Variants in NDUFS4 observed in about 807,000 individuals in gnomAD.
The protein encoded by NDUFS4 is NADH dehydrogenase [ubiquinone] iron-sulfur protein 4, mitochondrial.
In NDUFS4, 28 loss-of-function variants were observed where a neutral mutation model predicts 24.3. The observed-to-expected ratio is 1.15, with a 90% CI of 0.85 to 1.58. The LOEUF (loss-of-function observed/expected upper bound fraction) is 1.58. NDUFS4 is among the 40% of genes most tolerant of loss of function. The probability of loss-of-function intolerance (pLI) is 0.00; values close to 1 mark genes in which losing one functional copy is unlikely to be tolerated. For synonymous variants in NDUFS4, 93 were observed against 69.7 expected, an observed-to-expected ratio of 1.34 and a Z score of -1.67; for missense variants, 223 against 207.9, an observed-to-expected ratio of 1.07 and a Z score of -0.45.
At chr5:53,653,284 C>G (rs1161215202) in intron 3 of NDUFS4, among the ~76,000 whole-genome samples, 2 of 152,070 alleles carry the variant, frequency 1.3e-5, no homozygotes, top group African/African-American at 2.4e-5. Flanking sequence ...GTAGATGTTG[C>G]GAATTCTCTC....
intron 1 of NDUFS4, among the ~76,000 whole-genome samples, chr5:53,580,579 G>A (rs939330585): frequency 9.9e-5 from 15 of 152,172 alleles, no homozygotes; most frequent in African/African-American, 3.6e-4. Flanking sequence ...TTGCACAGGC[G>A]TCTCAAATCC....
chr5:53,570,421 T>TTGAA (rs1360010665), intron 1 of NDUFS4, among the ~76,000 whole-genome samples: 1 of 152,194 alleles, frequency 6.6e-6, no homozygotes, highest in Admixed American at 6.5e-5. Context: ...CATTTACCTA[T>TTGAA]TGAAGGACAT....
intron 3 of NDUFS4, among the ~76,000 whole-genome samples, chr5:53,658,113 C>T (rs1247096217): frequency 2.6e-5 from 4 of 151,670 alleles, no homozygotes; most frequent in African/African-American, 7.3e-5. Context: ...CAGGAGTGAG[C>T]GATCTTCAAA....
intron 2 of NDUFS4, among the ~76,000 whole-genome samples, chr5:53,631,320 G>T (rs929389449): frequency 6.6e-6 from 1 of 152,200 alleles, no homozygotes; most frequent in African/African-American, 2.4e-5. Flanking sequence ...GTGTCTGTCG[G>T]CCCCTACTGG....
intron 1 of NDUFS4, among the ~76,000 whole-genome samples, chr5:53,572,261 T>C (rs978143169): frequency 2.6e-5 from 4 of 152,184 alleles, no homozygotes; most frequent in Admixed American, 1.3e-4. Flanking sequence ...CCTTTCTTTC[T>C]GATATAGGGA....
chr5:53,632,981 A>G (rs1228195290), intron 2 of NDUFS4, among the ~76,000 whole-genome samples: 1 of 152,208 alleles, frequency 6.6e-6, no homozygotes, highest in Non-Finnish European at 1.5e-5. Flanking sequence ...AACACCCTTG[A>G]CATACTACAT....
intron 1 of NDUFS4, among the ~76,000 whole-genome samples, chr5:53,563,313 A>G (rs192357496): frequency 5.9e-5 from 9 of 151,986 alleles, no homozygotes; most frequent in Non-Finnish European, 8.8e-5. Flanking sequence ...ATAGTATATC[A>G]TCAGTGAAAA....
chr5:53,588,722 G>T (rs936001337), intron 1 of NDUFS4, among the ~76,000 whole-genome samples: 2 of 152,076 alleles, frequency 1.3e-5, no homozygotes, highest in Admixed American at 6.5e-5. Flanking sequence ...CTTTATTTTT[G>T]AATTGAAGTA....
At chr5:53,582,072 G>A (rs1361550028) in intron 1 of NDUFS4, among the ~76,000 whole-genome samples, 9 of 152,072 alleles carry the variant, frequency 5.9e-5, no homozygotes, top group East Asian at 1.9e-4. Flanking sequence ...TTAGCCGGGC[G>A]TGGTGTTGGG....
chr5:53,650,684 C>T (rs1450917110), intron 3 of NDUFS4, among the ~76,000 whole-genome samples: 1 of 152,184 alleles, frequency 6.6e-6, no homozygotes, highest in Non-Finnish European at 1.5e-5. Flanking sequence ...TTATGTCCTA[C>T]TTCAGGGGAG....
intron 2 of NDUFS4, among the ~76,000 whole-genome samples, chr5:53,614,233 A>G (rs1750780367): frequency 6.6e-6 from 1 of 151,928 alleles, no homozygotes; most frequent in African/African-American, 2.4e-5. Flanking sequence ...CTTTAGATAA[A>G]TAAAATTCTG....
intron 1 of NDUFS4, among the ~76,000 whole-genome samples, chr5:53,576,349 G>T (rs1749387952): frequency 6.6e-6 from 1 of 152,202 alleles, no homozygotes; most frequent in African/African-American, 2.4e-5. Context: ...ACCAAGCAAT[G>T]GAAAGGGTAA....
intron 1 of NDUFS4, among the ~76,000 whole-genome samples, chr5:53,575,431 A>AT (rs903283400): frequency 6.6e-6 from 1 of 150,512 alleles, no homozygotes; most frequent in Non-Finnish European, 1.5e-5. Context: ...AGGATGGATT[A>AT]TTTTTAAAGC....
At chr5:53,659,893 G>A (rs1015260391) in intron 4 of NDUFS4, among the ~76,000 whole-genome samples, 1 of 152,030 alleles carries the variant, frequency 6.6e-6, no homozygotes, top group Non-Finnish European at 1.5e-5. Flanking sequence ...CCTCATACGT[G>A]CAATGAGAAT....
chr5:53,675,339 T>G (rs1740428983), intron 4 of NDUFS4, among the ~76,000 whole-genome samples: 1 of 151,984 alleles, frequency 6.6e-6, no homozygotes, highest in East Asian at 1.9e-4. Flanking sequence ...ATTTTTTGTA[T>G]TTTTAGTAGA....
At chr5:53,663,049 A>G (rs1377128724) in intron 4 of NDUFS4, among the ~76,000 whole-genome samples, 1 of 151,998 alleles carries the variant, frequency 6.6e-6, no homozygotes, top group African/African-American at 2.4e-5. Flanking sequence ...TTCAAAGAAC[A>G]TCTTTATTTC....
At chr5:53,571,736 G>A (rs1042445120) in intron 1 of NDUFS4, among the ~76,000 whole-genome samples, 1 of 152,080 alleles carries the variant, frequency 6.6e-6, no homozygotes, top group East Asian at 1.9e-4. Context: ...TGAGTATAAG[G>A]TGGTACCTCA....
In NDUFS4 at chr5:53,658,784, C is replaced by CA. The variant is rs35754713; in HGVS notation, c.424+180dup. 60,434 of 137,920 alleles carry CA rather than the reference C, an allele frequency of 0.44. 13,933 individuals carry two copies. Among genetic ancestry groups the CA allele is most frequent in the Admixed American group, 0.52 (5,603 of 10,792 alleles). 8.5% of individuals were successfully genotyped at this position (137,920 alleles called of 1,614,324 possible). A position where few individuals can be genotyped will look rare whatever the true frequency, so the allele number is the denominator to read the frequency against. The stretch of plus-strand genomic sequence containing the variant: ...TTAACTACATCAGAACACCCACCTC[C>CA]AAAAAAAAAAAAAAAAAAAACCTAA... On this transcript the variant is annotated intron_variant, in intron 4 of 4. Transcript: ENST00000296684.
intron 1 of NDUFS4, among the ~76,000 whole-genome samples, chr5:53,566,073 C>G (rs183709052): frequency 6.6e-6 from 1 of 151,994 alleles, no homozygotes; most frequent in African/African-American, 2.4e-5. Flanking sequence ...CTCGGGAGGC[C>G]GAGGCAGGAG....
Sources: gnomAD v4.1 joint callset for allele counts (sites outside exome capture counted in the v4.1 genomes callset) on GRCh38, gnomAD v4.1.1 for gene constraint, MANE v1.5 for transcripts, NCBI Gene and HGNC (gene_info 2026-07-23, HGNC 2026-07-21) for gene names.